Variants in CDH13 observed in about 807,000 individuals in gnomAD.
CDH13 encodes the protein cadherin 13.
Under a neutral mutation model 63.8 loss-of-function variants are expected in CDH13, and 24 were observed. The ratio of observed to expected loss-of-function variants is 0.38; its 90% CI spans 0.27 to 0.53. The LOEUF is 0.53. Ranked by LOEUF, CDH13 falls within the 20% of genes least tolerant of loss-of-function variation. The pLI is 0.85. For missense variants in CDH13, 1,049 were observed against 903.1 expected (o/e 1.16, Z -2.07); for synonymous variants, 503 against 355.3 (o/e 1.42, Z -4.67).
intron 1 of CDH13, among the ~76,000 whole-genome samples, chr16:82,779,926 T>A (rs2035672404): frequency 6.6e-6 from 1 of 152,162 alleles, no homozygotes; most frequent in Admixed American, 6.5e-5. Flanking sequence ...GTCAAATACA[T>A]CTGCACATGT....
At chr16:82,684,798 G>C (rs937007117) in intron 1 of CDH13, among the ~76,000 whole-genome samples, 1 of 152,202 alleles carries the variant, frequency 6.6e-6, no homozygotes, top group Admixed American at 6.5e-5. Flanking sequence ...CATAGCCTGA[G>C]CCCACTCAGA....
chr16:83,162,382 C>G (rs1014469574), intron 4 of CDH13, among the ~76,000 whole-genome samples: 1 of 152,090 alleles, frequency 6.6e-6, no homozygotes, highest in African/African-American at 2.4e-5. Flanking sequence ...AACAAGATAC[C>G]AGACCATTTT....
chr16:82,664,190 C>A (rs1342616323), intron 1 of CDH13, among the ~76,000 whole-genome samples: 1 of 152,248 alleles, frequency 6.6e-6, no homozygotes, highest in Non-Finnish European at 1.5e-5. Context: ...TGAAATTAAT[C>A]TTACTTTTCA....
At chr16:83,050,330 A>C (rs2030166565) in intron 3 of CDH13, among the ~76,000 whole-genome samples, 1 of 152,170 alleles carries the variant, frequency 6.6e-6, no homozygotes, top group Non-Finnish European at 1.5e-5. Flanking sequence ...TTGCTGGCTC[A>C]TATGATAATT....
intron 5 of CDH13, among the ~76,000 whole-genome samples, chr16:83,317,991 G>C (rs557759043): frequency 3.0e-4 from 45 of 152,220 alleles, no homozygotes; most frequent in African/African-American, 9.2e-4. Flanking sequence ...CTTAGATTTG[G>C]CTTGTAGAGT....
intron 7 of CDH13, among the ~76,000 whole-genome samples, chr16:83,553,619 C>T (rs1230013367): frequency 6.6e-5 from 10 of 152,258 alleles, no homozygotes; most frequent in Non-Finnish European, 1.2e-4. Context: ...TGCTGAGGCA[C>T]GGTCTTGGCT....
chr16:83,030,705 A>T (rs2073852491), intron 2 of CDH13, among the ~76,000 whole-genome samples: 1 of 148,982 alleles, frequency 6.7e-6, no homozygotes, highest in Admixed American at 6.8e-5. Flanking sequence ...CTTGAGAAGC[A>T]CTCCTCTTCA....
chr16:83,665,945 T>C (rs1343122580), intron 8 of CDH13, among the ~76,000 whole-genome samples: 1 of 152,210 alleles, frequency 6.6e-6, no homozygotes, highest in Non-Finnish European at 1.5e-5. Flanking sequence ...ATGTCTATGA[T>C]GTAAGTCAAA....
intron 8 of CDH13, among the ~76,000 whole-genome samples, chr16:83,664,742 G>A (rs9940516): frequency 1 from 151,984 of 152,294 alleles, 75,837 homozygotes; most frequent in Middle Eastern, 1. Context: ...TGAAATGACC[G>A]TTACCTGGAA....
At chr16:83,581,424 A>G (rs529972990) in intron 7 of CDH13, among the ~76,000 whole-genome samples, 1 of 152,058 alleles carries the variant, frequency 6.6e-6, no homozygotes, top group African/African-American at 2.4e-5. Flanking sequence ...TGCACTTGCT[A>G]CCTCCTTTTT....
At chr16:82,705,930 T>A (rs2031450484) in intron 1 of CDH13, among the ~76,000 whole-genome samples, 1 of 152,194 alleles carries the variant, frequency 6.6e-6, no homozygotes, top group Non-Finnish European at 1.5e-5. Context: ...AGTGGTGTTT[T>A]CCTTCGTGAG....
At chr16:83,685,474 T>G (rs1414638838) in intron 10 of CDH13, among the ~76,000 whole-genome samples, 2 of 152,158 alleles carry the variant, frequency 1.3e-5, no homozygotes, top group Non-Finnish European at 2.9e-5. Context: ...ATTACAGCAA[T>G]TCATTCATTC....
intron 1 of CDH13, among the ~76,000 whole-genome samples, chr16:82,846,557 C>T (rs1385373050): frequency 6.6e-6 from 1 of 152,094 alleles, no homozygotes; most frequent in African/African-American, 2.4e-5. Flanking sequence ...CTCAGGGTCA[C>T]ATAGAAACTA....
intron 1 of CDH13, among the ~76,000 whole-genome samples, chr16:82,657,413 C>G (rs1911424433): frequency 6.6e-6 from 1 of 152,148 alleles, no homozygotes; most frequent in Non-Finnish European, 1.5e-5. Flanking sequence ...GTAAGATAGA[C>G]AGGATGGATA....
intron 6 of CDH13, among the ~76,000 whole-genome samples, chr16:83,457,570 C>A (rs1048883671): frequency 6.6e-6 from 1 of 152,150 alleles, no homozygotes; most frequent in Middle Eastern, 3.2e-3. Context: ...TCATCATCTA[C>A]CTCTATTATC....
chr16:83,214,579 C>CAAAA lies in CDH13; in HGVS notation c.484-2746_484-2743dup, dbSNP rs751124100. Among the ~76,000 whole-genome samples, 119 of 39,790 alleles carry CAAAA rather than the reference C, an allele frequency of 3.0e-3. 23 individuals carry two copies. The highest frequency in any genetic ancestry group is 4.2e-3 in the Non-Finnish European group (92 of 21,852). The allele number at this position is 39,790 out of a possible 152,430, so 26.1% of individuals were successfully genotyped here. A position where few individuals can be genotyped will look rare whatever the true frequency, so the allele number is the denominator to read the frequency against. On this transcript the variant is annotated intron_variant, in intron 4 of 13. Coordinates refer to ENST00000567109, the MANE Select transcript of CDH13 (RefSeq NM_001257.5). ...TGGGTGACAGAGTGAGACTCTGTCT[C>CAAAA]AAAAAAAAAAAAAAAAAAAAAAAGA...
chr16:82,980,218 G>T (rs767620446), intron 2 of CDH13, among the ~76,000 whole-genome samples: 1 of 152,138 alleles, frequency 6.6e-6, no homozygotes, highest in East Asian at 1.9e-4. Flanking sequence ...GATACAGCCA[G>T]CCCTCAGTGA....
At chr16:83,595,273 T>A (rs559830054) in intron 7 of CDH13, among the ~76,000 whole-genome samples, 1 of 152,230 alleles carries the variant, frequency 6.6e-6, no homozygotes, top group African/African-American at 2.4e-5. Flanking sequence ...GCCACTGATA[T>A]GCTCAGACCT....
intron 3 of CDH13, among the ~76,000 whole-genome samples, chr16:83,097,822 C>T (rs115121373): frequency 6.6e-6 from 1 of 152,214 alleles, no homozygotes; most frequent in Admixed American, 6.5e-5. Context: ...TTTTAGAGAG[C>T]CTTTAATATC....
Sources: gnomAD v4.1 joint callset for allele counts (sites outside exome capture counted in the v4.1 genomes callset) on GRCh38, gnomAD v4.1.1 for gene constraint, MANE v1.5 for transcripts, NCBI Gene and HGNC (gene_info 2026-07-23, HGNC 2026-07-21) for gene names.